UPRT: variants seen among roughly 807,000 people sequenced by gnomAD.
UPRT encodes the protein RP11-311P8.3.
UPRT carries 5 observed loss-of-function variants against 22.6 expected under a neutral mutation model. The observed-to-expected ratio is 0.22, with a 90% CI of 0.12 to 0.47. The LOEUF (loss-of-function observed/expected upper bound fraction) is 0.47. Ranked by LOEUF, UPRT falls within the 20% of genes least tolerant of loss-of-function variation. UPRT has a pLI of 0.99. For synonymous variants in UPRT, 77 were observed against 87.7 expected (o/e 0.88, Z 0.68); for missense variants, 181 against 239.9 (o/e 0.75, Z 1.62).
intron 4 of UPRT, among the ~76,000 whole-genome samples, chrX:75,175,791 C>T (rs891391774): frequency 1.8e-5 from 2 of 111,760 alleles, no homozygotes; most frequent in Non-Finnish European, 3.8e-5. Context: ...TTGGCCTGCT[C>T]CATTTTCTGA....
chrX:75,220,828 T>G (rs964119071), intron 4 of UPRT, among the ~76,000 whole-genome samples: 2 of 111,996 alleles, frequency 1.8e-5, no homozygotes, highest in Admixed American at 1.9e-4. Flanking sequence ...CTTTTAGTCC[T>G]TCTACTTAAG....
chrX:75,204,725 T>A (rs936675052), intron 4 of UPRT, among the ~76,000 whole-genome samples: 15 of 111,641 alleles, frequency 1.3e-4, no homozygotes, highest in African/African-American at 4.9e-4. Flanking sequence ...GAGAACTGTT[T>A]GTGCATTTTT....
intron 4 of UPRT, among the ~76,000 whole-genome samples, chrX:75,263,633 A>G (rs1283571784): frequency 6.4e-5 from 7 of 109,378 alleles, no homozygotes; most frequent in African/African-American, 1.6e-4. Context: ...TCTTGCTAGC[A>G]GTCTATCAAT....
At chrX:75,292,052 T>G (rs1342109015) in intron 1 of UPRT, among the ~76,000 whole-genome samples, 1 of 111,820 alleles carries the variant, frequency 8.9e-6, no homozygotes, top group East Asian at 2.8e-4. Flanking sequence ...TGTTCAGAAA[T>G]TAAAACTGAC....
chrX:75,250,603 T>C (rs985298969), intron 4 of UPRT, among the ~76,000 whole-genome samples: 1 of 110,973 alleles, frequency 9.0e-6, no homozygotes, highest in Non-Finnish European at 1.9e-5. Context: ...CAGGACCAGA[T>C]GGATTCACAG....
At chrX:75,269,799 A>T (rs763124466), upstream of UPRT, among the ~76,000 whole-genome samples, 1 of 111,803 alleles carries the variant, frequency 8.9e-6, no homozygotes, top group Admixed American at 9.5e-5. Flanking sequence ...AATCATAAAA[A>T]CCCTAAAAGA....
At chrX:75,181,789 A>C (rs1055458475) in intron 4 of UPRT, among the ~76,000 whole-genome samples, 8 of 111,828 alleles carry the variant, frequency 7.2e-5, no homozygotes, top group African/African-American at 2.3e-4. Context: ...TATCATCTGC[A>C]AACAGGGATA....
intron 4 of UPRT, among the ~76,000 whole-genome samples, chrX:75,228,874 G>A (rs1213574596): frequency 4.5e-5 from 5 of 111,941 alleles, no homozygotes; most frequent in African/African-American, 1.6e-4. Flanking sequence ...GATGAATCTG[G>A]AGAACATTAT....
chrX:75,183,769 A>G (rs1189789410), intron 4 of UPRT, among the ~76,000 whole-genome samples: 5 of 112,130 alleles, frequency 4.5e-5, no homozygotes, highest in Admixed American at 1.9e-4. Context: ...TTCTCTGATG[A>G]CCAGTGATGA....
At chrX:75,157,078 G>A (rs1297893688) in intron 1 of UPRT, among the ~76,000 whole-genome samples, 1 of 112,058 alleles carries the variant, frequency 8.9e-6, no homozygotes, top group African/African-American at 3.2e-5. Context: ...TTAAAGACAG[G>A]CTTATATTCT....
intron 4 of UPRT, among the ~76,000 whole-genome samples, chrX:75,171,558 C>T (rs1007910637): frequency 1.8e-5 from 2 of 110,736 alleles, no homozygotes; most frequent in African/African-American, 3.3e-5. Flanking sequence ...CTTGACCTTC[C>T]GCATTCTTTT....
At chrX:75,290,207 TATC>T in intron 1 of UPRT, among the ~76,000 whole-genome samples, 1 of 111,948 alleles carries the variant, frequency 8.9e-6, no homozygotes, top group East Asian at 2.8e-4. Context: ...AAAAAATGCT[TATC>T]ATCACTAATC....
chrX:75,250,933 G>C (rs2082527281), intron 4 of UPRT, among the ~76,000 whole-genome samples: 1 of 111,477 alleles, frequency 9.0e-6, no homozygotes, highest in Non-Finnish European at 1.9e-5. Context: ...ACGTAATCCA[G>C]CATATAAACG....
intron 4 of UPRT, among the ~76,000 whole-genome samples, chrX:75,258,272 G>A (rs1422852005): frequency 1.2e-4 from 12 of 101,943 alleles, no homozygotes; most frequent in Non-Finnish European, 2.4e-4. Context: ...AGTGAGATAG[G>A]ACCATTCACT....
chrX:75,187,065 G>A (rs775576915), intron 4 of UPRT, among the ~76,000 whole-genome samples: 2,940 of 111,011 alleles, frequency 0.026, 114 homozygotes, highest in African/African-American at 0.093. Context: ...TCCTGTCATT[G>A]TGATGTTAGC....
chrX:75,219,794 T>G (rs1485203038), intron 4 of UPRT, among the ~76,000 whole-genome samples: 1 of 111,642 alleles, frequency 9.0e-6, no homozygotes. Context: ...CATCCCACTT[T>G]CAGCATTGGA....
chrX:75,187,999 G>T (rs919769968), intron 4 of UPRT, among the ~76,000 whole-genome samples: 4 of 111,692 alleles, frequency 3.6e-5, no homozygotes, highest in African/African-American at 1.3e-4. Context: ...TAATTTGATC[G>T]TCTGAAGCCT....
chrX:75,232,697 G>A (rs1448560350), intron 4 of UPRT, among the ~76,000 whole-genome samples: 1 of 111,830 alleles, frequency 8.9e-6, no homozygotes, highest in African/African-American at 3.2e-5. Context: ...ACACGGCCGG[G>A]TACTCCAACA....
upstream of UPRT, among the ~76,000 whole-genome samples, chrX:75,269,108 A>G (rs2082599722): frequency 9.0e-6 from 1 of 111,004 alleles, no homozygotes. Context: ...ATTCCTATAC[A>G]CCAATAACAG....
Sources: gnomAD v4.1 joint callset for allele counts (sites outside exome capture counted in the v4.1 genomes callset) on GRCh38, gnomAD v4.1.1 for gene constraint, MANE v1.5 for transcripts, NCBI Gene and HGNC (gene_info 2026-07-23, HGNC 2026-07-21) for gene names.